The following UHRF1 variants were observed in gnomAD, a reference collection of about 807,000 sequenced individuals.
The protein encoded by UHRF1 is E3 ubiquitin-protein ligase UHRF1.
A neutral mutation model predicts 96.5 loss-of-function variants in UHRF1; 9 were observed. That is an observed-to-expected ratio of 0.09 (90% CI 0.06 to 0.16). UHRF1 has a LOEUF of 0.16. Ranked by LOEUF, UHRF1 falls within the 10% of genes least tolerant of loss-of-function variation. The probability of loss-of-function intolerance (pLI) is 1.00; values close to 1 mark genes in which losing one functional copy is unlikely to be tolerated. For missense variants in UHRF1, 626 were observed against 1,131.1 expected, an observed-to-expected ratio of 0.55 and a Z score of 6.40; for synonymous variants, 455 against 469.9, an observed-to-expected ratio of 0.97 and a Z score of 0.41.
At chr19:4,907,982 G>C (rs1040439468), upstream of UHRF1, among the ~76,000 whole-genome samples, 3 of 152,112 alleles carry the variant, frequency 2.0e-5, no homozygotes, top group Non-Finnish European at 2.9e-5. Context: ...AAAGTGCTGG[G>C]ATTACAGGTG....
intron 2 of UHRF1, among the ~76,000 whole-genome samples, chr19:4,914,570 G>A (rs557335211): frequency 3.4e-4 from 51 of 152,148 alleles, no homozygotes; most frequent in African/African-American, 1.2e-3. Flanking sequence ...GGGCGGGAAC[G>A]CAGGGAGCTG....
At chr19:4,959,376 G>A (rs969020567) in intron 16 of UHRF1, among the ~76,000 whole-genome samples, 1 of 152,168 alleles carries the variant, frequency 6.6e-6, no homozygotes, top group African/African-American at 2.4e-5. Flanking sequence ...TGGGGCAGGT[G>A]ACTGTGCTGT....
intron 2 of UHRF1, among the ~76,000 whole-genome samples, chr19:4,924,011 C>T (rs1217229913): frequency 1.3e-5 from 2 of 152,146 alleles, no homozygotes; most frequent in Non-Finnish European, 2.9e-5. Flanking sequence ...CTGTCACCCA[C>T]GCTGGAGTGC....
intron 9 of UHRF1, among the ~76,000 whole-genome samples, chr19:4,944,750 T>G (rs2033513072): frequency 6.6e-6 from 1 of 152,202 alleles, no homozygotes; most frequent in Non-Finnish European, 1.5e-5. Flanking sequence ...TCAGCGCTGG[T>G]TGTGATCTAT....
At chr19:4,937,656 G>A (rs1038732961) in intron 5 of UHRF1, among the ~76,000 whole-genome samples, 2 of 152,088 alleles carry the variant, frequency 1.3e-5, no homozygotes, top group African/African-American at 4.8e-5. Context: ...GAGCCACTTC[G>A]CCCGGCCAGT....
At chr19:4,933,040 G>C in intron 5 of UHRF1, 84 bp downstream of exon 5, 1 of 1,436,390 alleles carries the variant, frequency 7.0e-7, no homozygotes, top group South Asian at 1.4e-5. Flanking sequence ...AAGCCGTCCA[G>C]CCAGCGCTGT....
chr19:4,940,261 T>A (rs1290256349), intron 5 of UHRF1, among the ~76,000 whole-genome samples: 4 of 151,860 alleles, frequency 2.6e-5, no homozygotes, highest in Admixed American at 2.6e-4. Flanking sequence ...CGGACGTTGC[T>A]GATGGGGATG....
intron 2 of UHRF1, among the ~76,000 whole-genome samples, chr19:4,929,019 A>G (rs2032961206): frequency 6.6e-6 from 1 of 152,202 alleles, no homozygotes; most frequent in African/African-American, 2.4e-5. Flanking sequence ...GAGGGGCCTG[A>G]GACCCTGAGG....
At chr19:4,937,826 ATTC>A (rs1186048325) in intron 5 of UHRF1, among the ~76,000 whole-genome samples, 2 of 152,126 alleles carry the variant, frequency 1.3e-5, no homozygotes, top group African/African-American at 4.8e-5. Flanking sequence ...ATTTACGTTA[ATTC>A]TTCTTTAAAG....
At chr19:4,933,100 G>A (rs2033108314) in intron 5 of UHRF1, 144 bp downstream of exon 5, 3 of 887,398 alleles carry the variant, frequency 3.4e-6, no homozygotes, top group African/African-American at 1.7e-5. Flanking sequence ...TCCCCTCTGG[G>A]GTCTGTTCCT....
intron 2 of UHRF1, 65 bp from the exon 3 acceptor site, chr19:4,929,157 G>T: frequency 1.3e-6 from 2 of 1,564,578 alleles, no homozygotes; most frequent in Non-Finnish European, 1.7e-6. Flanking sequence ...GTTCATCACT[G>T]GTGCCCACAG....
chr19:4,941,465 T>G, intron 5 of UHRF1, 63 bp from the exon 6 acceptor site: 1 of 1,330,728 alleles, frequency 7.5e-7, no homozygotes, highest in Non-Finnish European at 1.1e-6. Context: ...GGTGTTCAAG[T>G]GCTGTGAGTA....
intron 2 of UHRF1, among the ~76,000 whole-genome samples, chr19:4,924,067 A>T (rs542722616): frequency 6.6e-6 from 1 of 152,174 alleles, no homozygotes. Context: ...CCCAGGTTCA[A>T]ATGATTCTGT....
At chr19:4,940,938 G>A (rs62112542) in intron 5 of UHRF1, among the ~76,000 whole-genome samples, 33,389 of 151,396 alleles carry the variant, frequency 0.22, 4,399 homozygotes, top group East Asian at 0.58. Flanking sequence ...CTCCCAAAGT[G>A]TTGGAATTAC....
chr19:4,932,501 G>A (rs544544186), intron 4 of UHRF1, among the ~76,000 whole-genome samples: 1 of 152,292 alleles, frequency 6.6e-6, no homozygotes, highest in African/African-American at 2.4e-5. Flanking sequence ...AATCCTATTC[G>A]TGGGTACTGG....
At chr19:4,940,587 G>A (rs1030909803) in intron 5 of UHRF1, among the ~76,000 whole-genome samples, 3 of 151,538 alleles carry the variant, frequency 2.0e-5, no homozygotes, top group Non-Finnish European at 1.5e-5. Flanking sequence ...TGCTAGTCTC[G>A]AAGTCCTGAC....
rs113316751 is a variant in UHRF1, at chr19:4,916,261, G to A, written c.153+5223G>A. Among the ~76,000 whole-genome samples the A allele has an allele frequency of 7.6e-3, 1,154 of 151,072 alleles. 10 individuals carry two copies. Among genetic ancestry groups the A allele is most frequent in the African/African-American group, 0.027 (1,103 of 41,058 alleles). Reference sequence around the variant, plus strand: ...GTTGAGGCTGCAGTGAACCAAGATTGTACCACTGCATTCCAGCCTGGGAGA... The same window carrying A: ...GTTGAGGCTGCAGTGAACCAAGATTATACCACTGCATTCCAGCCTGGGAGA... On this transcript the variant is annotated intron_variant, in intron 2 of 16. Transcript: ENST00000650932.
chr19:4,946,317 C>T (rs765292356), intron 10 of UHRF1, among the ~76,000 whole-genome samples: 1 of 152,088 alleles, frequency 6.6e-6, no homozygotes, highest in Non-Finnish European at 1.5e-5. Context: ...CTGAGCCCGA[C>T]GTCCTTGCTT....
intron 16 of UHRF1, among the ~76,000 whole-genome samples, chr19:4,959,986 A>C (rs1428337773): frequency 6.6e-6 from 1 of 152,210 alleles, no homozygotes; most frequent in Non-Finnish European, 1.5e-5. Context: ...TTAGCCTCCC[A>C]GGTAGCTGGG....
Sources: gnomAD v4.1 joint callset for allele counts (sites outside exome capture counted in the v4.1 genomes callset) on GRCh38, gnomAD v4.1.1 for gene constraint, MANE v1.5 for transcripts, NCBI Gene and HGNC (gene_info 2026-07-23, HGNC 2026-07-21) for gene names.